The following PDE7B variants were observed in gnomAD, a reference collection of about 807,000 sequenced individuals.
The protein encoded by PDE7B is 3',5'-cyclic-AMP phosphodiesterase 7B.
In PDE7B, 29 loss-of-function variants were observed where a neutral mutation model predicts 56.2. The ratio of observed to expected loss-of-function variants is 0.52; its 90% CI spans 0.38 to 0.70. The LOEUF (loss-of-function observed/expected upper bound fraction) is 0.70. Among genes scored for constraint, PDE7B ranks in the 30% least tolerant of loss-of-function variants. PDE7B has a pLI of 0.00. For missense variants in PDE7B, 490 were observed against 565.0 expected, an observed-to-expected ratio of 0.87 and a Z score of 1.35; for synonymous variants, 197 against 196.9, an observed-to-expected ratio of 1.00 and a Z score of 0.00.
chr6:136,041,123 G>A (rs1005066550), intron 2 of PDE7B, among the ~76,000 whole-genome samples: 4 of 152,084 alleles, frequency 2.6e-5, no homozygotes, highest in East Asian at 1.9e-4. Context: ...ATTCTGAATC[G>A]AACCAACAGT....
At chr6:136,145,492 C>A (rs545965383) in intron 3 of PDE7B, among the ~76,000 whole-genome samples, 1 of 152,116 alleles carries the variant, frequency 6.6e-6, no homozygotes, top group South Asian at 2.1e-4. Context: ...TATTTAAAAA[C>A]CAGAATCTGG....
chr6:136,124,150 A>C (rs183266118), intron 3 of PDE7B, among the ~76,000 whole-genome samples: 138 of 152,242 alleles, frequency 9.1e-4, no homozygotes, highest in African/African-American at 3.2e-3. Context: ...AGGCCCTGGT[A>C]ACCATTTATC....
At chr6:136,115,095 T>A (rs1583888825) in intron 3 of PDE7B, 1 of 152,184 alleles carries the variant, frequency 6.6e-6, no homozygotes, top group African/African-American at 2.4e-5. Flanking sequence ...CAAAGATGAA[T>A]GAGACATGGC....
At chr6:135,892,071 C>G (rs1453645414) in intron 1 of PDE7B, among the ~76,000 whole-genome samples, 2 of 152,202 alleles carry the variant, frequency 1.3e-5, no homozygotes, top group South Asian at 4.2e-4. Flanking sequence ...TTATTGTTTA[C>G]TATGTACCCA....
intron 3 of PDE7B, among the ~76,000 whole-genome samples, chr6:136,123,073 T>G (rs559756840): frequency 7.3e-6 from 1 of 136,502 alleles, no homozygotes; most frequent in Admixed American, 7.9e-5. Flanking sequence ...GAAAGGCCTC[T>G]TCTCCATCTA....
chr6:136,100,206 G>T (rs150053472), intron 2 of PDE7B, among the ~76,000 whole-genome samples: 1 of 152,142 alleles, frequency 6.6e-6, no homozygotes, highest in Non-Finnish European at 1.5e-5. Flanking sequence ...GTCAGGTAAC[G>T]TGATGCCCCC....
intron 1 of PDE7B, among the ~76,000 whole-genome samples, chr6:135,877,386 A>T (rs1297548979): frequency 7.8e-6 from 1 of 127,968 alleles, no homozygotes; most frequent in African/African-American, 2.9e-5. Flanking sequence ...CACCTTAGAT[A>T]TCCTGTACCA....
chr6:135,978,135 G>A (rs1450969168), intron 2 of PDE7B, among the ~76,000 whole-genome samples: 1 of 152,086 alleles, frequency 6.6e-6, no homozygotes. Context: ...GGATGGTATA[G>A]CCTACTACGC....
chr6:135,877,357 C>G (rs1166092435), intron 1 of PDE7B, among the ~76,000 whole-genome samples: 1 of 111,506 alleles, frequency 9.0e-6, no homozygotes, highest in African/African-American at 4.0e-5. Flanking sequence ...TTTACACATT[C>G]CTTTTTTTTT....
intron 2 of PDE7B, among the ~76,000 whole-genome samples, chr6:135,956,737 A>G (rs1027282609): frequency 2.6e-5 from 4 of 151,922 alleles, no homozygotes; most frequent in Admixed American, 2.6e-4. Context: ...CCATGATGGC[A>G]CCACTGCACA....
intron 11 of PDE7B, 130 bp downstream of exon 11, chr6:136,181,453 C>G (rs1318792094): frequency 6.2e-6 from 4 of 642,002 alleles, no homozygotes. Context: ...CCTAACCTTT[C>G]TCTTTTACTC....
intron 8 of PDE7B, chr6:136,156,071 G>C (rs760005268): frequency 2.4e-6 from 1 of 409,230 alleles, no homozygotes; most frequent in Non-Finnish European, 4.8e-6. Context: ...CTAGAATAAA[G>C]TGAGCCGCTG....
chr6:136,191,214 C>T (rs1276693429), intron 12 of PDE7B, among the ~76,000 whole-genome samples: 1 of 152,070 alleles, frequency 6.6e-6, no homozygotes, highest in African/African-American at 2.4e-5. Context: ...AGGCACAAAG[C>T]CATTCAGGGA....
intron 2 of PDE7B, among the ~76,000 whole-genome samples, chr6:136,088,805 A>G (rs566665222): frequency 6.6e-6 from 1 of 152,108 alleles, no homozygotes; most frequent in East Asian, 1.9e-4. Context: ...ATTGAATCGT[A>G]CACTTTAAAT....
intron 1 of PDE7B, among the ~76,000 whole-genome samples, chr6:135,907,534 A>T (rs1321564192): frequency 6.6e-6 from 1 of 152,076 alleles, no homozygotes; most frequent in Non-Finnish European, 1.5e-5. Context: ...AATACAAGCT[A>T]CTCTGCTATG....
At chr6:135,886,005 A>G (rs1358808450) in intron 1 of PDE7B, among the ~76,000 whole-genome samples, 2 of 152,202 alleles carry the variant, frequency 1.3e-5, no homozygotes, top group Non-Finnish European at 2.9e-5. Flanking sequence ...AGCAAAACGT[A>G]CAACTTGACT....
At chr6:136,176,354 C>A (rs960671217) in intron 9 of PDE7B, among the ~76,000 whole-genome samples, 5 of 151,948 alleles carry the variant, frequency 3.3e-5, no homozygotes, top group African/African-American at 1.2e-4. Flanking sequence ...CAACCATAAT[C>A]CCATTATAGA....
rs567641496 is a variant in PDE7B, at chr6:135,913,943, A to C, written c.22-33521A>C. Among the ~76,000 whole-genome samples, 6 of 152,300 alleles carry C rather than the reference A, an allele frequency of 3.9e-5. No homozygotes were observed. The South Asian group carries it at 1.2e-3, about 32-fold the overall frequency. ...ATGCCACTTTTTTTCTGTAACCCACACATCACTGACATAGTGATTGACATA... is the reference window on the plus strand; with the variant it reads ...ATGCCACTTTTTTTCTGTAACCCACCCATCACTGACATAGTGATTGACATA... On this transcript the variant is annotated intron_variant, in intron 1 of 12. Coordinates refer to ENST00000308191, the MANE Select transcript of PDE7B (RefSeq NM_018945.4).
chr6:136,066,045 T>C (rs1160501939), intron 2 of PDE7B, among the ~76,000 whole-genome samples: 1 of 127,262 alleles, frequency 7.9e-6, no homozygotes, highest in Admixed American at 7.8e-5. Flanking sequence ...TTTTTTTGTT[T>C]GTTTGTTTTA....
Sources: gnomAD v4.1 joint callset for allele counts (sites outside exome capture counted in the v4.1 genomes callset) on GRCh38, gnomAD v4.1.1 for gene constraint, MANE v1.5 for transcripts, NCBI Gene and HGNC (gene_info 2026-07-23, HGNC 2026-07-21) for gene names.